Variants in MGAT4C observed in about 807,000 individuals in gnomAD.
The protein encoded by MGAT4C is MGAT4 family member C.
A neutral mutation model predicts 40.1 loss-of-function variants in MGAT4C; 19 were observed. The ratio of observed to expected loss-of-function variants is 0.47; its 90% CI spans 0.33 to 0.70. The LOEUF is 0.70. MGAT4C is among the 30% of genes least tolerant of loss of function. MGAT4C has a pLI of 0.02. For missense variants in MGAT4C, 491 were observed against 563.2 expected, an observed-to-expected ratio of 0.87 and a Z score of 1.30; for synonymous variants, 181 against 187.1, an observed-to-expected ratio of 0.97 and a Z score of 0.27.
At chr12:86,604,867 G>T (rs1033030283) in intron 2 of MGAT4C, among the ~76,000 whole-genome samples, 1 of 152,060 alleles carries the variant, frequency 6.6e-6, no homozygotes, top group Non-Finnish European at 1.5e-5. Context: ...ATCTTTGAAG[G>T]TCATAAGACT....
At chr12:86,104,922 T>C (rs951097706) in intron 1 of MGAT4C, among the ~76,000 whole-genome samples, 1 of 152,130 alleles carries the variant, frequency 6.6e-6, no homozygotes, top group Non-Finnish European at 1.5e-5. Context: ...CCAATACTTT[T>C]AACAGGGTTC....
chr12:86,538,604 A>ATTT (rs1959114241), intron 2 of MGAT4C, among the ~76,000 whole-genome samples: 1 of 118,526 alleles, frequency 8.4e-6, no homozygotes, highest in Non-Finnish European at 1.8e-5. Context: ...AAAGTGTAAT[A>ATTT]CTTCTTTTTT....
At chr12:85,993,679 A>G (rs991932271) in intron 2 of MGAT4C, among the ~76,000 whole-genome samples, 2 of 152,158 alleles carry the variant, frequency 1.3e-5, no homozygotes, top group African/African-American at 4.8e-5. Flanking sequence ...ACCAGATGGT[A>G]CTTTGGAGGG....
At chr12:86,522,409 A>T (rs979890638) in intron 2 of MGAT4C, among the ~76,000 whole-genome samples, 1 of 152,108 alleles carries the variant, frequency 6.6e-6, no homozygotes, top group Admixed American at 6.5e-5. Context: ...ACATTTATTG[A>T]TTTGCATATG....
At chr12:86,064,937 A>G (rs776642471) in intron 1 of MGAT4C, among the ~76,000 whole-genome samples, 1 of 152,232 alleles carries the variant, frequency 6.6e-6, no homozygotes, top group Non-Finnish European at 1.5e-5. Context: ...AAACACCTCT[A>G]CACAAATAAA....
intron 2 of MGAT4C, among the ~76,000 whole-genome samples, chr12:86,477,191 A>C (rs1341405243): frequency 1.3e-5 from 2 of 152,052 alleles, no homozygotes; most frequent in Non-Finnish European, 2.9e-5. Flanking sequence ...GTACATTGAA[A>C]AAAAAGAAAA....
intron 3 of MGAT4C, among the ~76,000 whole-genome samples, chr12:86,356,686 G>T (rs752846218): frequency 3.3e-5 from 5 of 152,160 alleles, no homozygotes; most frequent in Non-Finnish European, 5.9e-5. Flanking sequence ...CCCGCGTCTG[G>T]CTCAGAGGGT....
chr12:86,404,410 A>C (rs1037223934), intron 3 of MGAT4C, among the ~76,000 whole-genome samples: 3 of 152,130 alleles, frequency 2.0e-5, no homozygotes, highest in Non-Finnish European at 4.4e-5. Context: ...AAGGATCTTG[A>C]GATGGGGAGA....
intron 2 of MGAT4C, among the ~76,000 whole-genome samples, chr12:86,032,133 A>G (rs561900285): frequency 4.1e-4 from 63 of 152,062 alleles, no homozygotes; most frequent in South Asian, 8.3e-4. Flanking sequence ...CCTGTGGTAT[A>G]TATCTACCAC....
intron 2 of MGAT4C, among the ~76,000 whole-genome samples, chr12:86,035,812 A>G (rs1779584400): frequency 1.3e-5 from 2 of 149,878 alleles, no homozygotes; most frequent in African/African-American, 4.8e-5. Context: ...CAGTTTTCCC[A>G]ACACCATTTA....
At chr12:86,772,519 G>GCCTCC (rs1951656496) in intron 1 of MGAT4C, among the ~76,000 whole-genome samples, 1 of 152,078 alleles carries the variant, frequency 6.6e-6, no homozygotes, top group Non-Finnish European at 1.5e-5. Flanking sequence ...CTCCTCCTTG[G>GCCTCC]TTCTAAATGG....
chr12:86,352,620 T>C (rs1253622670), intron 3 of MGAT4C, among the ~76,000 whole-genome samples: 1 of 152,174 alleles, frequency 6.6e-6, no homozygotes, highest in Admixed American at 6.6e-5. Context: ...AGATACATTA[T>C]ACTTCTTCCT....
At chr12:86,691,458 G>A (rs955821925) in intron 2 of MGAT4C, among the ~76,000 whole-genome samples, 5 of 152,214 alleles carry the variant, frequency 3.3e-5, no homozygotes, top group African/African-American at 9.6e-5. Flanking sequence ...ATAGAGAGAA[G>A]AAAAAGACAA....
intron 1 of MGAT4C, among the ~76,000 whole-genome samples, chr12:86,221,341 G>A (rs780947641): frequency 7.9e-5 from 12 of 151,964 alleles, no homozygotes; most frequent in South Asian, 4.1e-4. Flanking sequence ...TACATCAAGT[G>A]GCCTCACTCT....
intron 4 of MGAT4C, among the ~76,000 whole-genome samples, chr12:86,295,450 C>T (rs1300627738): frequency 8.5e-5 from 13 of 152,104 alleles, no homozygotes; most frequent in Non-Finnish European, 1.9e-4. Flanking sequence ...TCTTGCTGGG[C>T]TCAGGAGTGA....
chr12:86,669,676 G>A (rs970461467), intron 2 of MGAT4C, among the ~76,000 whole-genome samples: 5 of 152,224 alleles, frequency 3.3e-5, no homozygotes, highest in African/African-American at 1.2e-4. Context: ...GTTTGGCCCT[G>A]CCTATCTTTG....
chr12:86,126,768 G>T (rs968236759), intron 1 of MGAT4C, among the ~76,000 whole-genome samples: 2 of 152,192 alleles, frequency 1.3e-5, no homozygotes, highest in African/African-American at 4.8e-5. Context: ...TTGTCGTTGT[G>T]TGAATGCCAT....
intron 1 of MGAT4C, among the ~76,000 whole-genome samples, chr12:86,198,342 A>G (rs966277595): frequency 6.6e-6 from 1 of 152,172 alleles, no homozygotes; most frequent in Non-Finnish European, 1.5e-5. Flanking sequence ...ACTATTGCAA[A>G]ACCCAAAAAG....
intron 2 of MGAT4C, among the ~76,000 whole-genome samples, chr12:86,710,275 G>T (rs940550733): frequency 4.6e-5 from 7 of 152,236 alleles, no homozygotes; most frequent in Middle Eastern, 6.8e-3. Context: ...TTGAACCTCT[G>T]AGGTGGGAAG....
Sources: gnomAD v4.1 joint callset for allele counts (sites outside exome capture counted in the v4.1 genomes callset) on GRCh38, gnomAD v4.1.1 for gene constraint, MANE v1.5 for transcripts, NCBI Gene and HGNC (gene_info 2026-07-23, HGNC 2026-07-21) for gene names.